ANKS1B: variants seen among roughly 807,000 people sequenced by gnomAD.
ANKS1B encodes the protein ankyrin repeat and sterile alpha motif domain containing 1B.
In ANKS1B, 36 loss-of-function variants were observed where a neutral mutation model predicts 148.3. The ratio of observed to expected loss-of-function variants is 0.24; its 90% CI spans 0.19 to 0.32. ANKS1B has a LOEUF of 0.32. Ranked by LOEUF, ANKS1B falls within the 10% of genes least tolerant of loss-of-function variation. ANKS1B has a pLI of 1.00. For missense variants in ANKS1B, 1,157 were observed against 1,542.6 expected, an observed-to-expected ratio of 0.75 and a Z score of 4.19; for synonymous variants, 542 against 560.8, an observed-to-expected ratio of 0.97 and a Z score of 0.47.
intron 10 of ANKS1B, among the ~76,000 whole-genome samples, chr12:99,498,911 T>C (rs913041021): frequency 2.0e-5 from 3 of 152,148 alleles, no homozygotes; most frequent in Non-Finnish European, 4.4e-5. Context: ...TAGTTGGCCC[T>C]AAGGGGGAAA....
intron 12 of ANKS1B, among the ~76,000 whole-genome samples, chr12:99,268,674 G>A (rs919503612): frequency 4.6e-5 from 7 of 152,184 alleles, no homozygotes; most frequent in African/African-American, 1.7e-4. Flanking sequence ...ATAAAGAAAT[G>A]TAATAGGAAA....
At chr12:98,820,693 T>G (rs1311015091) in intron 19 of ANKS1B, among the ~76,000 whole-genome samples, 1 of 152,242 alleles carries the variant, frequency 6.6e-6, no homozygotes, top group African/African-American at 2.4e-5. Context: ...TCCTTTAATT[T>G]TTAAAAGTAT....
chr12:99,530,558 A>G (rs888517782), intron 9 of ANKS1B, among the ~76,000 whole-genome samples: 1 of 152,194 alleles, frequency 6.6e-6, no homozygotes, highest in African/African-American at 2.4e-5. Context: ...AAGTTGTACC[A>G]CTGTATTAAA....
chr12:99,693,466 G>T (rs1014522463), intron 8 of ANKS1B, among the ~76,000 whole-genome samples: 1 of 152,052 alleles, frequency 6.6e-6, no homozygotes, highest in African/African-American at 2.4e-5. Context: ...TGACAGCTGG[G>T]GTCAAGAGAT....
intron 12 of ANKS1B, among the ~76,000 whole-genome samples, chr12:99,305,847 T>G (rs958821263): frequency 5.9e-5 from 9 of 152,254 alleles, no homozygotes; most frequent in African/African-American, 2.2e-4. Context: ...ATATTCAGAC[T>G]CCAGTAATGG....
At chr12:99,890,367 T>A (rs1368895282) in intron 1 of ANKS1B, among the ~76,000 whole-genome samples, 1 of 152,106 alleles carries the variant, frequency 6.6e-6, no homozygotes, top group Non-Finnish European at 1.5e-5. Context: ...AGGAAGGAAT[T>A]CTGCTTCCCA....
chr12:99,815,813 A>G (rs565968700), intron 2 of ANKS1B, among the ~76,000 whole-genome samples: 1 of 151,900 alleles, frequency 6.6e-6, no homozygotes, highest in East Asian at 1.9e-4. Context: ...TTGCCACAAA[A>G]GACATTATTT....
intron 9 of ANKS1B, among the ~76,000 whole-genome samples, chr12:99,588,673 T>C (rs529944332): frequency 7.9e-5 from 12 of 152,282 alleles, no homozygotes; most frequent in Non-Finnish European, 1.3e-4. Flanking sequence ...TTTTATTCTA[T>C]GGAAGGTACA....
chr12:99,688,033 G>A (rs987852540), intron 8 of ANKS1B, among the ~76,000 whole-genome samples: 25 of 151,988 alleles, frequency 1.6e-4, no homozygotes, highest in African/African-American at 6.0e-4. Flanking sequence ...TTTTTTCAAG[G>A]CCACATTATC....
chr12:99,976,839 A>G (rs1014887181), intron 1 of ANKS1B, among the ~76,000 whole-genome samples: 1 of 152,216 alleles, frequency 6.6e-6, no homozygotes, highest in Non-Finnish European at 1.5e-5. Flanking sequence ...ATAAGAGAGT[A>G]CCTGAGACTG....
At chr12:99,313,516 C>T (rs1388744706) in intron 12 of ANKS1B, among the ~76,000 whole-genome samples, 1 of 152,174 alleles carries the variant, frequency 6.6e-6, no homozygotes, top group African/African-American at 2.4e-5. Context: ...CAAAAATCCT[C>T]AATAAAATAC....
chr12:99,245,003 T>C (rs1045835495), intron 13 of ANKS1B, among the ~76,000 whole-genome samples: 1 of 152,168 alleles, frequency 6.6e-6, no homozygotes, highest in African/African-American at 2.4e-5. Flanking sequence ...TACAGGCATA[T>C]GCCACCACAC....
intron 9 of ANKS1B, among the ~76,000 whole-genome samples, chr12:98,738,505 A>G (rs2097783974): frequency 6.6e-6 from 1 of 152,198 alleles, no homozygotes; most frequent in Non-Finnish European, 1.5e-5. Context: ...TCAAATGTTT[A>G]TCGCCGCTCC....
chr12:99,984,130 T>G lies in ANKS1B; in HGVS notation c.108A>C (p.Gly36=). The G allele has an allele frequency of 6.2e-7, 1 of 1,613,330 alleles. No homozygotes were observed. The highest frequency in any genetic ancestry group is 8.5e-7 in the Non-Finnish European group (1 of 1,179,620). The change falls in exon 1 of 27, where the codon GGA becomes GGC. Residue 36 remains glycine, a synonymous_variant. Coordinates refer to ENST00000683438, the MANE Select transcript of ANKS1B (RefSeq NM_001352186.2). ...TTAGCAGATTAGACAGGGGCAGGGGTCCGGATCCACCGCCCAGGATCCCTC... is the reference window on the plus strand; with the variant it reads ...TTAGCAGATTAGACAGGGGCAGGGGGCCGGATCCACCGCCCAGGATCCCTC... The part of the protein sequence containing the change: ...RKGGILGGGS[G]PLPLSNLLSI...
chr12:99,693,552 C>T (rs554045648), intron 8 of ANKS1B, among the ~76,000 whole-genome samples: 18 of 152,274 alleles, frequency 1.2e-4, no homozygotes, highest in African/African-American at 4.1e-4. Context: ...ATCCAGCATA[C>T]TATTGCAATA....
At chr12:99,379,371 C>A (rs974377454) in intron 12 of ANKS1B, among the ~76,000 whole-genome samples, 2 of 152,160 alleles carry the variant, frequency 1.3e-5, no homozygotes, top group Non-Finnish European at 2.9e-5. Flanking sequence ...GAAGGCAAGT[C>A]AGTTATATGC....
intron 21 of ANKS1B, among the ~76,000 whole-genome samples, chr12:98,799,472 G>C (rs1006394059): frequency 4.1e-5 from 6 of 145,500 alleles, no homozygotes; most frequent in Non-Finnish European, 7.5e-5. Flanking sequence ...TGCAGTTTTG[G>C]ACCTTTTTCA....
chr12:99,050,690 CTTT>C (rs62812561), intron 17 of ANKS1B, among the ~76,000 whole-genome samples: 2 of 113,588 alleles, frequency 1.8e-5, no homozygotes, highest in Non-Finnish European at 3.4e-5. Context: ...TTTTCTTTTT[CTTT>C]TTTTTTTTTT....
intron 16 of ANKS1B, among the ~76,000 whole-genome samples, chr12:99,056,524 TAA>T (rs1170017905): frequency 2.0e-5 from 3 of 152,292 alleles, no homozygotes; most frequent in Admixed American, 6.5e-5. Context: ...TTAGTCTTCC[TAA>T]AAGTCAGACC....
Sources: allele counts gnomAD v4.1 joint callset (sites outside exome capture counted in the v4.1 genomes callset), GRCh38; gene constraint gnomAD v4.1.1; transcripts MANE v1.5; gene names NCBI Gene and HGNC (gene_info 2026-07-23, HGNC 2026-07-21).